The following VEPH1 variants were observed in gnomAD, a reference collection of about 807,000 sequenced individuals.
The protein encoded by VEPH1 is ventricular zone-expressed PH domain-containing protein homolog 1.
In VEPH1, 80 loss-of-function variants were observed where a neutral mutation model predicts 85.2. That is an observed-to-expected ratio of 0.94 (90% CI 0.78 to 1.13). The LOEUF (loss-of-function observed/expected upper bound fraction) is 1.13. Among genes scored for constraint, VEPH1 ranks in the 50% most tolerant of loss-of-function variants. VEPH1 has a pLI of 0.00. For synonymous variants in VEPH1, 297 were observed against 348.0 expected, an observed-to-expected ratio of 0.85 and a Z score of 1.63; for missense variants, 955 against 980.5, an observed-to-expected ratio of 0.97 and a Z score of 0.35.
chr3:157,286,462 T>A, intron 12 of VEPH1, 95 bp downstream of exon 12: 1 of 923,662 alleles, frequency 1.1e-6, no homozygotes, highest in Non-Finnish European at 1.8e-6. Context: ...CTGGGGATGT[T>A]TATGCAAGAG....
intron 2 of VEPH1, among the ~76,000 whole-genome samples, chr3:157,482,054 T>A (rs1738154515): frequency 6.6e-6 from 1 of 152,242 alleles, no homozygotes; most frequent in Non-Finnish European, 1.5e-5. Context: ...ACCAGTACCA[T>A]GCTGTCTTAG....
chr3:157,272,340 TTCTC>T (rs747364585), intron 12 of VEPH1, among the ~76,000 whole-genome samples: 1 of 150,614 alleles, frequency 6.6e-6, no homozygotes, highest in Non-Finnish European at 1.5e-5. Flanking sequence ...CTTTCTTTCT[TTCTC>T]TTTTTCTCTC....
intron 3 of VEPH1, among the ~76,000 whole-genome samples, chr3:157,460,651 A>G (rs1735780026): frequency 6.6e-6 from 1 of 152,200 alleles, no homozygotes; most frequent in African/African-American, 2.4e-5. Context: ...GAATGTCAAG[A>G]AAGACTTCCT....
chr3:157,431,192 T>A (rs1733121751), intron 4 of VEPH1, among the ~76,000 whole-genome samples: 2 of 152,228 alleles, frequency 1.3e-5, no homozygotes, highest in Non-Finnish European at 2.9e-5. Context: ...CCTGCTGCCA[T>A]GTAAGACGTG....
At chr3:157,378,428 G>C (rs4435581) in intron 7 of VEPH1, among the ~76,000 whole-genome samples, 1 of 146,966 alleles carries the variant, frequency 6.8e-6, no homozygotes, top group African/African-American at 2.5e-5. Context: ...AGACATTTTT[G>C]GTTGTCACAA....
chr3:157,467,625 G>C (rs1332911043), intron 3 of VEPH1, among the ~76,000 whole-genome samples: 1 of 152,212 alleles, frequency 6.6e-6, no homozygotes, highest in African/African-American at 2.4e-5. Flanking sequence ...GCCAGGACAA[G>C]ATGCTGAACT....
intron 11 of VEPH1, among the ~76,000 whole-genome samples, chr3:157,312,706 A>G (rs539676105): frequency 6.6e-6 from 1 of 152,196 alleles, no homozygotes; most frequent in African/African-American, 2.4e-5. Flanking sequence ...TAGCTCTCCA[A>G]TCTTCCTATA....
At position 157,495,519 on chromosome 3, in the gene VEPH1, C is replaced by G. The variant is rs542741198; in HGVS notation, c.-157-13G>C. On this transcript the variant is annotated splice_polypyrimidine_tract_variant and intron_variant, in intron 1 of 13. Transcript: ENST00000362010. ...TCATTGACACTCTCTGCAAGGGAAA[C>G]AAATGACACAATGTAGCCACTGGCA... 8.4e-6 allele frequency: 12 copies of G among 1,429,038 alleles called. No homozygotes were observed. In the African/African-American group the frequency reaches 1.7e-4, roughly 20 times the overall value. 88.5% of individuals were successfully genotyped at this position (1,429,038 alleles called of 1,614,324 possible).
intron 2 of VEPH1, among the ~76,000 whole-genome samples, chr3:157,471,023 C>A (rs17470517): frequency 0.23 from 35,033 of 152,026 alleles, 4,376 homozygotes; most frequent in South Asian, 0.35. Context: ...CTTTCCCCAA[C>A]CAGGTTTTCC....
intron 12 of VEPH1, among the ~76,000 whole-genome samples, chr3:157,280,901 C>T (rs1716013364): frequency 6.6e-6 from 1 of 152,136 alleles, no homozygotes; most frequent in Non-Finnish European, 1.5e-5. Flanking sequence ...ATGTGCCAGG[C>T]ACTGGTTAAG....
intron 11 of VEPH1, among the ~76,000 whole-genome samples, chr3:157,293,645 G>A (rs1717794444): frequency 6.6e-6 from 1 of 152,130 alleles, no homozygotes; most frequent in Non-Finnish European, 1.5e-5. Flanking sequence ...AAAATAATCT[G>A]ACTACAGGAT....
In VEPH1 at chr3:157,433,143, A is replaced by C. The variant is rs926864802; in HGVS notation, c.530-4655T>G. Reference sequence around the variant, plus strand: ...GAGTCTCTTAGATTTTTCTTTATGTAGATGATCCACTCATGATAAATAATA... The same window carrying C: ...GAGTCTCTTAGATTTTTCTTTATGTCGATGATCCACTCATGATAAATAATA... On this transcript the variant is annotated intron_variant, in intron 4 of 13. Coordinates refer to ENST00000362010, the MANE Select transcript of VEPH1 (RefSeq NM_001167912.2). 2.6e-5 allele frequency among the ~76,000 whole-genome samples: 4 copies of C among 152,146 alleles called. No homozygotes were observed. The South Asian group carries it at 8.3e-4, about 32-fold the overall frequency.
rs1392525097 is a variant in VEPH1, at chr3:157,470,482, G to A, written c.186C>T (p.Ile62=). ...NNDQAVVEIC[I]TRITTAIRET... is the part of the protein sequence containing the mutation. ...CTCTGATGGCTGTTGTGATTCTTGT[G>A]ATACAGATTTCAACTACTGCCTGGT... Residue 62 remains isoleucine (I), a synonymous_variant, in exon 3 of 14, where the codon ATC becomes ATT. Transcript: ENST00000362010. 6.2e-7 allele frequency: 1 copy of A among 1,614,044 alleles called. No homozygotes were observed. The highest frequency in any genetic ancestry group is 8.5e-7 in the Non-Finnish European group (1 of 1,180,030).
In VEPH1 at chr3:157,307,145, TACTC is replaced by T. The variant is rs549865437; in HGVS notation, c.2010+6472_2010+6475del. On this transcript the variant is annotated intron_variant, in intron 11 of 13. Transcript: ENST00000362010. ...GGAATTAAGACTTCAGAAATAAAGT[TACTC>T]ACCCATCTTAACAGTAATCTAGCTG... Among the ~76,000 whole-genome samples the T allele has an allele frequency of 2.1e-3, 317 of 152,144 alleles. 2 individuals are homozygous for T. The highest frequency in any genetic ancestry group is 7.1e-3 in the African/African-American group (297 of 41,564).
chr3:157,380,330 C>T (rs1439232092), intron 7 of VEPH1, among the ~76,000 whole-genome samples: 1 of 152,148 alleles, frequency 6.6e-6, no homozygotes. Flanking sequence ...CTGATTATAC[C>T]CTGCCATGTA....
intron 4 of VEPH1, among the ~76,000 whole-genome samples, chr3:157,456,943 A>T (rs978171582): frequency 6.6e-6 from 1 of 152,152 alleles, no homozygotes; most frequent in Non-Finnish European, 1.5e-5. Flanking sequence ...AATAATATTG[A>T]ATCTATAAAT....
At chr3:157,313,356 C>T (rs1720352145) in intron 11 of VEPH1, among the ~76,000 whole-genome samples, 1 of 152,042 alleles carries the variant, frequency 6.6e-6, no homozygotes, top group Non-Finnish European at 1.5e-5. Flanking sequence ...CTATTTCATA[C>T]TATGCATGCA....
intron 12 of VEPH1, among the ~76,000 whole-genome samples, chr3:157,276,507 C>G (rs1715413080): frequency 6.6e-6 from 1 of 152,150 alleles, no homozygotes. Context: ...TAATTAGTAT[C>G]TTCGTGGTAG....
chr3:157,331,375 T>C (rs1722487373), intron 9 of VEPH1, among the ~76,000 whole-genome samples: 1 of 152,218 alleles, frequency 6.6e-6, no homozygotes, highest in Non-Finnish European at 1.5e-5. Context: ...CTAGTTAGTC[T>C]CTTCTCATAC....
Sources: allele counts gnomAD v4.1 joint callset (sites outside exome capture counted in the v4.1 genomes callset), GRCh38; gene constraint gnomAD v4.1.1; transcripts MANE v1.5; gene names NCBI Gene and HGNC (gene_info 2026-07-23, HGNC 2026-07-21).